TTC39A: variants seen among roughly 807,000 people sequenced by gnomAD.
TTC39A encodes the protein tetratricopeptide repeat domain 39A, also known as tetratricopeptide repeat protein 39A.
TTC39A carries 46 observed loss-of-function variants against 82.3 expected under a neutral mutation model. The ratio of observed to expected loss-of-function variants is 0.56; its 90% CI spans 0.44 to 0.71. The LOEUF (loss-of-function observed/expected upper bound fraction) is 0.71, where lower values mean the gene tolerates loss of function less well. Among genes scored for constraint, TTC39A ranks in the 30% least tolerant of loss-of-function variants. TTC39A has a pLI of 0.00. For synonymous variants in TTC39A, 254 were observed against 275.2 expected (o/e 0.92, Z 0.76); for missense variants, 543 against 712.9 (o/e 0.76, Z 2.71).
intron 7 of TTC39A, chr1:51,305,601 C>A: frequency 3.1e-6 from 1 of 323,702 alleles, no homozygotes; most frequent in Non-Finnish European, 5.9e-6. Flanking sequence ...AAGTCATCAG[C>A]TGGTTTCAGG....
chr1:51,315,124 C>T (rs1645236692), intron 2 of TTC39A, among the ~76,000 whole-genome samples: 1 of 152,192 alleles, frequency 6.6e-6, no homozygotes, highest in African/African-American at 2.4e-5. Context: ...TGCCCAGCCC[C>T]ACCTGTGGAA....
At position 51,312,828 on chromosome 1, in the gene TTC39A, G is replaced by C. The variant is rs200131603; in HGVS notation, c.262C>G (p.Gln88Glu). 9.2e-5 allele frequency: 148 copies of C among 1,613,712 alleles called. No individual in the cohort carries two copies. The highest frequency in any genetic ancestry group is 3.3e-5 in the Admixed American group (2 of 59,992). Residue 88 changes from glutamine (Q) to glutamate (E), a missense_variant, in exon 3 of 18, where the codon CAG becomes GAG. Coordinates refer to ENST00000680483, the MANE Select transcript of TTC39A (RefSeq NM_001297663.2). ...GCCCCCAACCTCTGACACAGCATCT[G>C]TGCCTCCTTCATCATGTTGCCGGCA... is the stretch of plus-strand genomic sequence containing the variant. Reference protein sequence around the residue: ...LLAGNMMKEAQMLCQRHRRKS... With the variant: ...LLAGNMMKEAEMLCQRHRRKS...
At position 51,311,289 on chromosome 1, in the gene TTC39A, A is replaced by G; in HGVS notation, c.388T>C (p.Cys130Arg). 1 of 1,587,170 alleles carries G rather than the reference A, an allele frequency of 6.3e-7. No individual in the cohort carries two copies. The highest frequency in any genetic ancestry group is 8.6e-7 in the Non-Finnish European group (1 of 1,166,934). ...EIHAEVCYAECLLQRAALTFL... is the reference protein window; with the variant it reads ...EIHAEVCYAERLLQRAALTFL... ...GTCAGGGCTGCTCGCTGCAGCAGGC[A>G]CTCTGCATAGCAGACCTCAGCGTGG... is the stretch of plus-strand genomic sequence containing the variant. The change falls in exon 5 of 18, where the codon TGC becomes CGC. Residue 130 changes from cysteine (C) to arginine (R), a missense_variant. By Grantham distance (180) the Cys-to-Arg change is radical. Transcript: ENST00000680483.
intron 2 of TTC39A, among the ~76,000 whole-genome samples, chr1:51,319,943 G>A (rs1645433298): frequency 6.6e-6 from 1 of 152,074 alleles, no homozygotes; most frequent in South Asian, 2.1e-4. Context: ...ACCCACCTCA[G>A]CCTCCCAAAG....
intron 1 of TTC39A, among the ~76,000 whole-genome samples, chr1:51,336,380 T>C (rs1645975196): frequency 6.6e-6 from 1 of 151,852 alleles, no homozygotes; most frequent in Admixed American, 6.6e-5. Context: ...TCCCACCAGA[T>C]ATAAAGGGGA....
intron 1 of TTC39A, among the ~76,000 whole-genome samples, chr1:51,340,406 T>A (rs965474527): frequency 2.6e-5 from 4 of 152,180 alleles, no homozygotes; most frequent in African/African-American, 9.7e-5. Context: ...GCAGGGGGAC[T>A]CAGAGGAATG....
At chr1:51,325,368 T>C (rs1645677176) in intron 1 of TTC39A, among the ~76,000 whole-genome samples, 2 of 152,092 alleles carry the variant, frequency 1.3e-5, no homozygotes, top group African/African-American at 4.8e-5. Flanking sequence ...AGGCCCCACC[T>C]GATGTGGTCC....
Position 51,288,944 on chromosome 1 carries a change from A to G in TTC39A, c.1505T>C (p.Ile502Thr). 6.2e-7 allele frequency: 1 copy of G among 1,603,054 alleles called. No individual in the cohort carries two copies. The highest frequency in any genetic ancestry group is 8.5e-7 in the Non-Finnish European group (1 of 1,174,752). The change falls in exon 17 of 18, where the codon ATT becomes ACT. Residue 502 changes from isoleucine to threonine, a missense_variant. Ile to Thr is a moderately conservative substitution (Grantham distance 89). Transcript: ENST00000680483. This position sits in a 1 kb window ranked among gnomAD's most constrained non-coding sequence, Gnocchi z 4.8. ...TGGGATCAAGTAGTGGTCATATTTA[A>G]TCTTCTTTTCACTGCAGAACAGAGG... ...FRSISANEKK[I>T]KYDHYLIPNA...
chr1:51,326,020 C>G (rs1376125587), intron 1 of TTC39A: 2 of 152,470 alleles, frequency 1.3e-5, no homozygotes, highest in Non-Finnish European at 2.9e-5. Context: ...TTCCCTCCCA[C>G]AAGCACCCGC....
In TTC39A at chr1:51,330,553, C is replaced by T. The variant is rs900386400; in HGVS notation, c.-76G>A. On this transcript the variant is annotated 5_prime_UTR_variant, in exon 1 of 18. Transcript: ENST00000680483. This position sits in a 1 kb window ranked among gnomAD's most constrained non-coding sequence, Gnocchi z 4.5. ...AGGTGCTGCCGCCGCAACCCCGAGC[C>T]GGGCGCTGTGCGGTCGCGGACGCGG... 1.0e-6 allele frequency: 1 copy of T among 982,574 alleles called. No homozygotes were observed. The highest frequency in any genetic ancestry group is 1.2e-6 in the Non-Finnish European group (1 of 829,654). 60.9% of individuals were successfully genotyped at this position (982,574 alleles called of 1,614,324 possible).
At chr1:51,306,547 A>T (rs1374650965) in intron 6 of TTC39A, among the ~76,000 whole-genome samples, 1 of 152,148 alleles carries the variant, frequency 6.6e-6, no homozygotes, top group Admixed American at 6.5e-5. Flanking sequence ...CACAGGGGGA[A>T]GTCACCCCTA....
At chr1:51,339,572 G>A (rs1646011392) in intron 1 of TTC39A, among the ~76,000 whole-genome samples, 1 of 152,098 alleles carries the variant, frequency 6.6e-6, no homozygotes, top group Non-Finnish European at 1.5e-5. Context: ...GAGGGGAGAG[G>A]GCCATAACAT....
intron 11 of TTC39A, 35 bp downstream of exon 11, chr1:51,302,322 G>A: frequency 6.3e-7 from 1 of 1,578,650 alleles, no homozygotes; most frequent in Non-Finnish European, 8.6e-7. Context: ...GACCCCGAGG[G>A]ATCCCCAGCC....
chr1:51,290,570 G>T lies in TTC39A; in HGVS notation c.1322C>A (p.Thr441Lys). The change falls in exon 15 of 18, where the codon ACG becomes AAG. Residue 441 changes from threonine to lysine, a missense_variant. Physicochemically the swap from Thr to Lys is moderately conservative, Grantham distance 78. Coordinates refer to ENST00000680483, the MANE Select transcript of TTC39A (RefSeq NM_001297663.2). ...AGTGATAATCTCAAGTATCCCATCC[G>T]TGAGTTTCGGCTGCTTCCCAATCAC... Reference protein sequence around the residue: ...YAVIGKQPKLTDGILEIITKA... With the variant: ...YAVIGKQPKLKDGILEIITKA... The T allele has an allele frequency of 6.2e-7, 1 of 1,613,964 alleles. No individual in the cohort carries two copies. Among genetic ancestry groups the T allele is most frequent in the Non-Finnish European group, 8.5e-7 (1 of 1,179,882 alleles).
At chr1:51,309,385 G>A in intron 5 of TTC39A, 60 bp from the exon 6 acceptor site, 1 of 1,611,346 alleles carries the variant, frequency 6.2e-7, no homozygotes, top group Non-Finnish European at 8.5e-7. Context: ...GCGTGAGAGG[G>A]ATCATGCAAG....
intron 1 of TTC39A, among the ~76,000 whole-genome samples, chr1:51,328,260 C>T (rs574429413): frequency 3.3e-5 from 5 of 152,244 alleles, no homozygotes; most frequent in Admixed American, 1.3e-4. Context: ...AAGGGGGCAC[C>T]CTCGTGAAAC....
intron 6 of TTC39A, among the ~76,000 whole-genome samples, chr1:51,307,984 C>T (rs932075105): frequency 6.6e-6 from 1 of 151,990 alleles, no homozygotes; most frequent in Non-Finnish European, 1.5e-5. Flanking sequence ...TATCCTTAGC[C>T]CCCTTTGCCA....
intron 14 of TTC39A, 94 bp from the exon 15 acceptor site, chr1:51,290,719 A>G: frequency 1.1e-6 from 1 of 951,628 alleles, no homozygotes; most frequent in East Asian, 2.6e-5. Flanking sequence ...TCAGAGGTTC[A>G]CTAAAGGACC....
chr1:51,296,280 T>A (rs992352843), intron 12 of TTC39A, 110 bp from the exon 13 acceptor site: 1 of 1,027,756 alleles, frequency 9.7e-7, no homozygotes, highest in African/African-American at 1.6e-5. Flanking sequence ...TCCCGTTGTC[T>A]CCAAGCCCCA....
Sources: gnomAD v4.1 joint callset for allele counts (sites outside exome capture counted in the v4.1 genomes callset) on GRCh38, gnomAD v4.1.1 for gene constraint, Gnocchi (gnomAD v3.1) non-coding constraint, MANE v1.5 for transcripts, NCBI Gene and HGNC (gene_info 2026-07-23, HGNC 2026-07-21) for gene names.